The following BABAM1 variants were observed in gnomAD, a reference collection of about 807,000 sequenced individuals.
BABAM1 encodes BRISC and BRCA1-A complex member 1.
In BABAM1, 14 loss-of-function variants were observed where a neutral mutation model predicts 34.4. The ratio of observed to expected loss-of-function variants is 0.41; its 90% CI spans 0.27 to 0.64. The LOEUF is 0.64. BABAM1 is among the 30% of genes least tolerant of loss of function. The pLI is 0.34. For synonymous variants in BABAM1, 169 were observed against 165.8 expected (o/e 1.02, Z -0.15); for missense variants, 393 against 434.0 (o/e 0.91, Z 0.84).
At chr19:17,274,413 C>G (rs2073884012) in intron 5 of BABAM1, 1 of 572,756 alleles carries the variant, frequency 1.7e-6, no homozygotes, top group African/African-American at 1.9e-5. Flanking sequence ...GCAAAAGTAC[C>G]TGATTTGGTC....
At chr19:17,272,853 A>G (rs2073858689) in intron 3 of BABAM1, among the ~76,000 whole-genome samples, 1 of 152,054 alleles carries the variant, frequency 6.6e-6, no homozygotes, top group African/African-American at 2.4e-5. Flanking sequence ...CCCCACCTCC[A>G]CTAAAAATAC....
At chr19:17,271,359 C>T (rs961732058) in intron 2 of BABAM1, among the ~76,000 whole-genome samples, 7 of 152,158 alleles carry the variant, frequency 4.6e-5, no homozygotes, top group Non-Finnish European at 8.8e-5. Flanking sequence ...CCACTATATC[C>T]TCATTTCTGT....
chr19:17,272,181 A>T (rs35604430), intron 3 of BABAM1, among the ~76,000 whole-genome samples: 3 of 151,864 alleles, frequency 2.0e-5, no homozygotes, highest in Non-Finnish European at 2.9e-5. Context: ...ATCTGAAGTC[A>T]TCTGCCTGCC....
intron 8 of BABAM1, among the ~76,000 whole-genome samples, chr19:17,278,407 T>C (rs1040538785): frequency 6.6e-6 from 1 of 151,026 alleles, no homozygotes; most frequent in East Asian, 2.0e-4. Context: ...CTCCCGGGTT[T>C]GCGCCATTCT....
Position 17,274,310 on chromosome 19 carries a change from G to T in BABAM1, c.544+125G>T, listed in dbSNP as rs1392282602. ...TTCAGATCTCAGATCTGCCAAGGCT[G>T]GGAAAGTCACCCCTCTGAGCCTCAG... On this transcript the variant is annotated intron_variant, in intron 5 of 8. Coordinates refer to ENST00000598188, the MANE Select transcript of BABAM1 (RefSeq NM_014173.4). 3 of 1,273,996 alleles carry T rather than the reference G, an allele frequency of 2.4e-6. No homozygotes were observed. In the African/African-American group the frequency reaches 4.4e-5, roughly 19 times the overall value. The allele number at this position is 1,273,996 out of a possible 1,614,324, so 78.9% of individuals were successfully genotyped here.
intron 5 of BABAM1, chr19:17,274,467 C>A: frequency 2.4e-6 from 1 of 420,552 alleles, no homozygotes; most frequent in Non-Finnish European, 4.4e-6. Flanking sequence ...ACTTGCGAGG[C>A]TGAGGCACAA....
chr19:17,270,375 A>G (rs1374824598), intron 2 of BABAM1, among the ~76,000 whole-genome samples: 2 of 151,444 alleles, frequency 1.3e-5, no homozygotes, highest in East Asian at 3.9e-4. Context: ...TCCAGTCCTC[A>G]TATCCTCATA....
intron 5 of BABAM1, 167 bp downstream of exon 5, chr19:17,274,352 G>A: frequency 1.2e-6 from 1 of 849,614 alleles, no homozygotes; most frequent in South Asian, 1.7e-5. Context: ...CATCTGTACT[G>A]TGGAAGGCAC....
rs924574308 is a variant in BABAM1, at chr19:17,274,289, G to C, written c.544+104G>C. On this transcript the variant is annotated intron_variant, in intron 5 of 8. Transcript: ENST00000598188. ...CATGACTCTGGCTGGCTGAGGTTCA[G>C]ATCTCAGATCTGCCAAGGCTGGGAA... 8.5e-6 allele frequency: 12 copies of C among 1,406,076 alleles called. No individual in the cohort carries two copies. In the African/African-American group the frequency reaches 1.7e-4, roughly 20 times the overall value. The allele number at this position is 1,406,076 out of a possible 1,614,324, so 87.1% of individuals were successfully genotyped here.
chr19:17,274,402 A>G lies in BABAM1; in HGVS notation c.544+217A>G, dbSNP rs536704737. ...CATGGAGATGCTGTAACAATACAGA[A>G]GCAAAAGTACCTGATTTGGTCCGGG... is the stretch of plus-strand genomic sequence containing the variant. On this transcript the variant is annotated intron_variant, in intron 5 of 8. Coordinates refer to ENST00000598188, the MANE Select transcript of BABAM1 (RefSeq NM_014173.4). 14 of 597,428 alleles carry G rather than the reference A, an allele frequency of 2.3e-5. No individual in the cohort carries two copies. The South Asian group carries it at 2.4e-4, about 10-fold the overall frequency. 37.0% of individuals were successfully genotyped at this position (597,428 alleles called of 1,614,324 possible). A position where few individuals can be genotyped will look rare whatever the true frequency, so the allele number is the denominator to read the frequency against.
intron 5 of BABAM1, 71 bp from the exon 6 acceptor site, chr19:17,275,730 C>T (rs376926320): frequency 4.5e-5 from 72 of 1,599,650 alleles, no homozygotes; most frequent in Middle Eastern, 2.0e-4. Context: ...CCTCTGGTAT[C>T]GGGATCGGGG....
Position 17,276,486 on chromosome 19 carries a change from G to T in BABAM1, c.570-9G>T. On this transcript the variant is annotated splice_polypyrimidine_tract_variant and intron_variant, in intron 6 of 8. Transcript: ENST00000598188. ...CTGCTCTGACTGCTCCCTCCTCCCG[G>T]GTATGCAGCCAGCAGAAAACTGAGC... 1 of 1,588,766 alleles carries T rather than the reference G, an allele frequency of 6.3e-7. No homozygotes were observed. Among genetic ancestry groups the T allele is most frequent in the Non-Finnish European group, 8.6e-7 (1 of 1,168,406 alleles).
At position 17,273,930 on chromosome 19, in the gene BABAM1, C is replaced by A; in HGVS notation, c.371C>A (p.Ser124Tyr). 6.2e-7 allele frequency: 1 copy of A among 1,613,520 alleles called. No individual in the cohort carries two copies. The highest frequency in any genetic ancestry group is 8.5e-7 in the Non-Finnish European group (1 of 1,179,730). The change falls in exon 4 of 9, where the codon TCC becomes TAC. Residue 124 changes from serine (S) to tyrosine (Y), a missense_variant. Physicochemically the swap from Ser to Tyr is moderately radical, Grantham distance 144 (BLOSUM62 -2). Coordinates refer to ENST00000598188, the MANE Select transcript of BABAM1 (RefSeq NM_014173.4). Reference sequence around the variant, plus strand: ...TCCAAAACCAACGCCCTCAATGTCTCCCAGAAGATGATTGAGATGTTCGTG... The same window carrying A: ...TCCAAAACCAACGCCCTCAATGTCTACCAGAAGATGATTGAGATGTTCGTG... ...NGSKTNALNV[S>Y]QKMIEMFVRT...
chr19:17,277,068 T>C (rs2073918224), intron 8 of BABAM1, 159 bp downstream of exon 8: 1 of 678,840 alleles, frequency 1.5e-6, no homozygotes, highest in South Asian at 1.9e-5. Flanking sequence ...GTTTCCCAGT[T>C]GTCTGCTGTG....
chr19:17,269,815 C>T (rs1300050598), intron 2 of BABAM1, among the ~76,000 whole-genome samples: 11 of 151,528 alleles, frequency 7.3e-5, no homozygotes, highest in East Asian at 3.9e-4. Flanking sequence ...CTGCAACCTC[C>T]GCCTCCTGGG....
At chr19:17,268,488 T>A (rs2073795979) in intron 1 of BABAM1, 1 of 190,166 alleles carries the variant, frequency 5.3e-6, no homozygotes, top group African/African-American at 2.4e-5. Flanking sequence ...TGGAGTGCAG[T>A]GGCGGGATCT....
chr19:17,275,810 G>A lies in BABAM1; in HGVS notation c.554G>A (p.Gly185Glu), dbSNP rs754324944. Reference protein sequence around the residue: ...TASCSTFNLEGLFSLIQQKTE... With the variant: ...TASCSTFNLEELFSLIQQKTE... ...TTAGCACCCCCACCAGATCTGGAAG[G>A]ACTTTTCAGCCTCATGTAAGTCCCC... Residue 185 changes from glycine to glutamate, a missense_variant, in exon 6 of 9, where the codon GGA becomes GAA. By Grantham distance (98) the Gly-to-Glu change is moderately conservative. Coordinates refer to ENST00000598188, the MANE Select transcript of BABAM1 (RefSeq NM_014173.4). The A allele has an allele frequency of 3.1e-6, 5 of 1,613,874 alleles. No individual in the cohort carries two copies. The Admixed American group carries it at 8.3e-5, about 27-fold the overall frequency.
chr19:17,272,469 G>C (rs896828353), intron 3 of BABAM1, among the ~76,000 whole-genome samples: 1 of 151,448 alleles, frequency 6.6e-6, no homozygotes, highest in Admixed American at 6.6e-5. Context: ...GCAGTGGTGC[G>C]ATCTCCGCTC....
intron 3 of BABAM1, among the ~76,000 whole-genome samples, chr19:17,272,694 C>A (rs1273082601): frequency 3.3e-5 from 5 of 151,736 alleles, no homozygotes; most frequent in Non-Finnish European, 7.4e-5. Flanking sequence ...GTGTGAGCCA[C>A]CGCGCCCAGC....
Sources: gnomAD v4.1 joint callset for allele counts (sites outside exome capture counted in the v4.1 genomes callset) on GRCh38, gnomAD v4.1.1 for gene constraint, MANE v1.5 for transcripts, NCBI Gene and HGNC (gene_info 2026-07-23, HGNC 2026-07-21) for gene names.